PRDM5: variants seen among roughly 807,000 people sequenced by gnomAD.
PRDM5 encodes the protein PR domain zinc finger protein 5.
In PRDM5, 56 loss-of-function variants were observed where a neutral mutation model predicts 81.2. That is an observed-to-expected ratio of 0.69 (90% CI 0.56 to 0.86). The LOEUF is 0.86. Among genes scored for constraint, PRDM5 ranks in the 40% least tolerant of loss-of-function variants. The pLI, the probability that PRDM5 is intolerant of heterozygous loss-of-function variation, is 0.00. For missense variants in PRDM5, 697 were observed against 770.1 expected (o/e 0.91, Z 1.12); for synonymous variants, 267 against 256.4 (o/e 1.04, Z -0.39).
At chr4:120,920,656 T>C (rs1389234154) in intron 1 of PRDM5, among the ~76,000 whole-genome samples, 1 of 152,234 alleles carries the variant, frequency 6.6e-6, no homozygotes, top group Non-Finnish European at 1.5e-5. Context: ...TCAACAAACC[T>C]GTCCATGACC....
chr4:120,732,468 T>C (rs1383682650), intron 14 of PRDM5, among the ~76,000 whole-genome samples: 1 of 152,146 alleles, frequency 6.6e-6, no homozygotes, highest in African/African-American at 2.4e-5. Flanking sequence ...ATTCCAATAG[T>C]AATAACAATA....
intron 14 of PRDM5, among the ~76,000 whole-genome samples, chr4:120,715,040 T>C (rs943714208): frequency 6.6e-6 from 1 of 152,196 alleles, no homozygotes; most frequent in South Asian, 2.1e-4. Context: ...ATTTTGAGCA[T>C]AGCATTTCTA....
intron 6 of PRDM5, 23 bp from the exon 7 acceptor site, chr4:120,816,597 G>T (rs1192483902): frequency 3.7e-6 from 6 of 1,613,688 alleles, no homozygotes; most frequent in Non-Finnish European, 5.1e-6. Flanking sequence ...CAGCAAAGCG[G>T]AACAGGAAGA....
At chr4:120,905,352 C>T (rs1047195598) in intron 2 of PRDM5, among the ~76,000 whole-genome samples, 5 of 152,022 alleles carry the variant, frequency 3.3e-5, no homozygotes, top group Non-Finnish European at 5.9e-5. Flanking sequence ...GGCTATAGTA[C>T]CCAATTATTT....
chr4:120,798,819 T>C (rs534103349), intron 9 of PRDM5, among the ~76,000 whole-genome samples: 11 of 152,332 alleles, frequency 7.2e-5, no homozygotes, highest in Middle Eastern at 3.4e-3. Flanking sequence ...AAAGGCCTCA[T>C]GGAGGCAGAG....
chr4:120,812,480 T>C (rs1753980257), intron 7 of PRDM5: 1 of 170,482 alleles, frequency 5.9e-6, no homozygotes, highest in Admixed American at 6.5e-5. Flanking sequence ...TAGGGTGAGA[T>C]GATATCTCAC....
At chr4:120,850,338 A>G (rs1429451390) in intron 3 of PRDM5, among the ~76,000 whole-genome samples, 1 of 152,154 alleles carries the variant, frequency 6.6e-6, no homozygotes, top group Non-Finnish European at 1.5e-5. Context: ...TGTTTCTGGA[A>G]TGCAATCTTT....
Position 120,816,917 on chromosome 4 carries a change from G to A in PRDM5, c.658C>T (p.Gln220Ter). 1.2e-6 allele frequency: 2 copies of A among 1,611,288 alleles called. No individual in the cohort carries two copies. Among genetic ancestry groups the A allele is most frequent in the Non-Finnish European group, 1.7e-6 (2 of 1,177,412 alleles). ...VKQALQRHVL[Q>*]CTAKSSLKES... ...TTTAGACTGCTTTTCGCTGTGCACT[G>A]AAGAACACTAAAGGGAAATAGGAAA... is the stretch of plus-strand genomic sequence containing the variant. Residue 220 changes from glutamine to a stop codon, truncating the protein, a stop_gained, in exon 6 of 16, where the codon CAG becomes TAG. Transcript: ENST00000264808. LOFTEE classifies it high-confidence loss of function.
chr4:120,893,985 A>G (rs943491456), intron 2 of PRDM5, among the ~76,000 whole-genome samples: 7 of 152,212 alleles, frequency 4.6e-5, no homozygotes, highest in Non-Finnish European at 2.9e-5. Context: ...CATTAATAGT[A>G]TAAGTCTTTA....
chr4:120,901,364 A>T (rs1159062090), intron 2 of PRDM5, among the ~76,000 whole-genome samples: 1 of 152,232 alleles, frequency 6.6e-6, no homozygotes, highest in Non-Finnish European at 1.5e-5. Context: ...ATTTTCTAGT[A>T]GGTTGTAATG....
intron 10 of PRDM5, among the ~76,000 whole-genome samples, chr4:120,793,892 T>C (rs1750961885): frequency 6.6e-6 from 1 of 152,174 alleles, no homozygotes; most frequent in South Asian, 2.1e-4. Context: ...AACATTACAT[T>C]GTACACCATA....
intron 1 of PRDM5, among the ~76,000 whole-genome samples, chr4:120,921,730 C>T (rs1239555690): frequency 2.0e-5 from 3 of 152,274 alleles, no homozygotes; most frequent in East Asian, 3.9e-4. Context: ...TTTCCTGTGG[C>T]CTCTCTTCCT....
intron 14 of PRDM5, among the ~76,000 whole-genome samples, chr4:120,742,893 G>T (rs1334889161): frequency 3.3e-5 from 5 of 152,128 alleles, no homozygotes; most frequent in Non-Finnish European, 2.9e-5. Flanking sequence ...AATCTAGCAA[G>T]GCAGGCCAAC....
chr4:120,794,331 T>A (rs1247608267), intron 10 of PRDM5, among the ~76,000 whole-genome samples: 1 of 149,202 alleles, frequency 6.7e-6, no homozygotes, highest in Non-Finnish European at 1.5e-5. Context: ...TTTCAAGAAC[T>A]TTTTTTTTTA....
intron 7 of PRDM5, among the ~76,000 whole-genome samples, chr4:120,813,501 G>T (rs574100782): frequency 6.6e-6 from 1 of 152,098 alleles, no homozygotes; most frequent in Non-Finnish European, 1.5e-5. Flanking sequence ...ATTTATGAAA[G>T]AAATATACTT....
rs1340957904 is a variant in PRDM5, at chr4:120,922,641, A to G, written c.-33T>C. 1 of 1,573,426 alleles carries G rather than the reference A, an allele frequency of 6.4e-7. No homozygotes were observed. The highest frequency in any genetic ancestry group is 2.3e-5 in the East Asian group (1 of 42,764). On this transcript the variant is annotated 5_prime_UTR_variant, in exon 1 of 16. Coordinates refer to ENST00000264808, the MANE Select transcript of PRDM5 (RefSeq NM_018699.4). ...GGCGCGGCGGCCGCCGCCTCTCTCA[A>G]CACCGGCGCTTAGCGCCCGGCAGGC...
At chr4:120,713,308 C>T (rs1419998689) in intron 14 of PRDM5, among the ~76,000 whole-genome samples, 7 of 152,086 alleles carry the variant, frequency 4.6e-5, no homozygotes, top group Non-Finnish European at 2.9e-5. Flanking sequence ...TGCTTTCAAA[C>T]AGCCTATATC....
intron 2 of PRDM5, among the ~76,000 whole-genome samples, chr4:120,906,713 G>A (rs926228210): frequency 1.3e-5 from 2 of 152,096 alleles, no homozygotes; most frequent in African/African-American, 4.8e-5. Flanking sequence ...GCAAAAGACT[G>A]TCTCTAGTGT....
At chr4:120,717,560 T>G (rs1463135968) in intron 14 of PRDM5, among the ~76,000 whole-genome samples, 1 of 152,228 alleles carries the variant, frequency 6.6e-6, no homozygotes, top group Non-Finnish European at 1.5e-5. Flanking sequence ...GAAACAAAGT[T>G]AAATTTTAGA....
Sources: gnomAD v4.1 joint callset for allele counts (sites outside exome capture counted in the v4.1 genomes callset) on GRCh38, gnomAD v4.1.1 for gene constraint, MANE v1.5 for transcripts, NCBI Gene and HGNC (gene_info 2026-07-23, HGNC 2026-07-21) for gene names.